PAPPA2: variants seen among roughly 807,000 people sequenced by gnomAD.
PAPPA2 encodes pappalysin 2, also known as pappalysin-2.
In PAPPA2, 86 loss-of-function variants were observed where a neutral mutation model predicts 176.4. That is an observed-to-expected ratio of 0.49 (90% CI 0.41 to 0.58). The LOEUF is 0.58. Ranked by LOEUF, PAPPA2 falls within the 20% of genes least tolerant of loss-of-function variation. The probability of loss-of-function intolerance (pLI) is 0.00; values close to 1 mark genes in which losing one functional copy is unlikely to be tolerated. For missense variants in PAPPA2, 2,073 were observed against 2,256.9 expected, an observed-to-expected ratio of 0.92 and a Z score of 1.65; for synonymous variants, 809 against 852.2, an observed-to-expected ratio of 0.95 and a Z score of 0.88.
chr1:176,672,643 G>A (rs1045467498), intron 4 of PAPPA2, among the ~76,000 whole-genome samples: 8 of 151,886 alleles, frequency 5.3e-5, no homozygotes, highest in Admixed American at 4.6e-4. Flanking sequence ...AATCCACAGA[G>A]TGAATCAGAT....
intron 15 of PAPPA2, among the ~76,000 whole-genome samples, chr1:176,766,662 C>G (rs1020103332): frequency 6.6e-6 from 1 of 152,140 alleles, no homozygotes; most frequent in Non-Finnish European, 1.5e-5. Context: ...GTATTATGAG[C>G]ATGATCATGT....
intron 21 of PAPPA2, among the ~76,000 whole-genome samples, chr1:176,802,309 G>C (rs1225710025): frequency 6.6e-6 from 1 of 152,142 alleles, no homozygotes; most frequent in Non-Finnish European, 1.5e-5. Context: ...AACTGGACAG[G>C]AGAGGAGAAG....
chr1:176,475,342 C>T (rs985312807), intron 1 of PAPPA2, among the ~76,000 whole-genome samples: 2 of 152,144 alleles, frequency 1.3e-5, no homozygotes, highest in African/African-American at 4.8e-5. Flanking sequence ...AAAAGCCTAG[C>T]ATAGGTGAGG....
At chr1:176,716,033 C>T (rs1661352975) in intron 12 of PAPPA2, among the ~76,000 whole-genome samples, 4 of 151,040 alleles carry the variant, frequency 2.6e-5, no homozygotes, top group Admixed American at 6.6e-5. Flanking sequence ...TTGAGGTTAA[C>T]CTTCAAAAAA....
intron 1 of PAPPA2, among the ~76,000 whole-genome samples, chr1:176,544,211 G>T (rs1027706388): frequency 6.6e-6 from 1 of 152,154 alleles, no homozygotes; most frequent in African/African-American, 2.4e-5. Context: ...ACCTCACTCC[G>T]GTTGTTTGCA....
intron 3 of PAPPA2, among the ~76,000 whole-genome samples, chr1:176,642,118 A>T (rs933651592): frequency 6.6e-6 from 1 of 151,842 alleles, no homozygotes; most frequent in Non-Finnish European, 1.5e-5. Flanking sequence ...TGCCCAAGCC[A>T]CCCTTCCTTC....
chr1:176,753,488 G>C (rs114451590), intron 14 of PAPPA2, among the ~76,000 whole-genome samples: 1 of 148,438 alleles, frequency 6.7e-6, no homozygotes, highest in African/African-American at 2.5e-5. Flanking sequence ...TTCTTCCTCT[G>C]CTCAGTCCTA....
intron 1 of PAPPA2, among the ~76,000 whole-genome samples, chr1:176,481,158 A>C (rs113722257): frequency 1.4e-3 from 206 of 152,184 alleles, no homozygotes; most frequent in African/African-American, 4.8e-3. Flanking sequence ...TGGCTCCAAG[A>C]ATATTGATAT....
intron 1 of PAPPA2, among the ~76,000 whole-genome samples, chr1:176,542,521 TA>T (rs1650417999): frequency 6.6e-6 from 1 of 152,184 alleles, no homozygotes; most frequent in African/African-American, 2.4e-5. Context: ...ACACAGGCAA[TA>T]GGGGCAGAGC....
At chr1:176,673,121 A>G (rs1400752992) in intron 4 of PAPPA2, among the ~76,000 whole-genome samples, 2 of 152,134 alleles carry the variant, frequency 1.3e-5, no homozygotes, top group African/African-American at 4.8e-5. Flanking sequence ...CATAGCCTGC[A>G]CTTCATGGCT....
At chr1:176,502,112 A>G (rs1647996836) in intron 1 of PAPPA2, among the ~76,000 whole-genome samples, 1 of 152,218 alleles carries the variant, frequency 6.6e-6, no homozygotes, top group African/African-American at 2.4e-5. Flanking sequence ...CTAAGCAATG[A>G]ACAAATCTTG....
Position 176,793,685 on chromosome 1 carries a change from T to C in PAPPA2, c.5130+16T>C, listed in dbSNP as rs1248047303. The C allele has an allele frequency of 1.9e-6, 3 of 1,558,828 alleles. No homozygotes were observed. Among genetic ancestry groups the C allele is most frequent in the East Asian group, 4.5e-5 (2 of 44,426 alleles). On this transcript the variant is annotated intron_variant, in intron 20 of 22. Coordinates refer to ENST00000367662, the MANE Select transcript of PAPPA2 (RefSeq NM_020318.3). ...CAAAGTCCAGGTGAGGAAAGGGACA[T>C]TGTTATGTGCCAAAGACATGAGTCT...
rs116581877 is a variant in PAPPA2 at position 176,830,899 on chromosome 1, T to C, written c.5203-9274T>C. ...TTCCTGGGCAGCATTTTAAGAAGCA[T>C]TGCTGTGTACTTAGAAGAGGAGGAA... On this transcript the variant is annotated intron_variant, in intron 21 of 22. Coordinates refer to ENST00000367662, the MANE Select transcript of PAPPA2 (RefSeq NM_020318.3). Among the ~76,000 whole-genome samples the C allele has an allele frequency of 6.6e-3, 1,006 of 152,280 alleles. 12 individuals are homozygous for C. The highest frequency in any genetic ancestry group is 0.023 in the African/African-American group (950 of 41,546).
chr1:176,734,619 C>G (rs1208611367), intron 12 of PAPPA2, among the ~76,000 whole-genome samples: 1 of 152,024 alleles, frequency 6.6e-6, no homozygotes, highest in Admixed American at 6.6e-5. Context: ...GCCTTATATC[C>G]CCCCTTCATC....
In PAPPA2 at chr1:176,529,504, A is replaced by G. The variant is rs139604567; in HGVS notation, c.-916-25903A>G. Among the ~76,000 whole-genome samples, 122 of 152,076 alleles carry G rather than the reference A, an allele frequency of 8.0e-4. 1 individual carries two copies. Among genetic ancestry groups the G allele is most frequent in the Admixed American group, 2.2e-3 (33 of 15,280 alleles). ...TTGAAGTACTGGGGATGTCAGTTAC[A>G]TAAGGTTATATGGCATTTTCTTCTA... On this transcript the variant is annotated intron_variant, in intron 1 of 22. Transcript: ENST00000367662.
intron 2 of PAPPA2, among the ~76,000 whole-genome samples, chr1:176,577,075 C>T (rs1211784926): frequency 6.6e-6 from 1 of 152,062 alleles, no homozygotes; most frequent in Non-Finnish European, 1.5e-5. Flanking sequence ...GATTTAGCTC[C>T]CTGCACTTCC....
In PAPPA2 at chr1:176,800,082, C is replaced by T. The variant is rs375000323; in HGVS notation, c.5152C>T (p.Arg1718Cys). The T allele has an allele frequency of 1.9e-5, 30 of 1,613,898 alleles. No homozygotes were observed. Among genetic ancestry groups the T allele is most frequent in the Non-Finnish European group, 2.3e-5 (27 of 1,179,936 alleles). Residue 1718 changes from arginine to cysteine, a missense_variant, in exon 21 of 23, where the codon CGT (arginine) becomes TGT (cysteine). Transcript: ENST00000367662. ...TTAGAGCATTGTGTGCACTGGCCGG[C>T]GTCAATGGCACCCAGACCCCGTCTT... The part of the protein sequence containing the change: ...KVQSIVCTGR[R>C]QWHPDPVLVH...
intron 1 of PAPPA2, among the ~76,000 whole-genome samples, chr1:176,529,735 G>A (rs1447928595): frequency 2.6e-5 from 4 of 151,970 alleles, no homozygotes; most frequent in East Asian, 1.9e-4. Context: ...TTTCAATACC[G>A]TGGAACGTTT....
At chr1:176,837,729 G>C (rs1667329580) in intron 21 of PAPPA2, among the ~76,000 whole-genome samples, 1 of 151,196 alleles carries the variant, frequency 6.6e-6, no homozygotes, top group Non-Finnish European at 1.5e-5. Flanking sequence ...AAAGATGCCT[G>C]TGGGTTAGAG....
Sources: gnomAD v4.1 joint callset for allele counts (sites outside exome capture counted in the v4.1 genomes callset) on GRCh38, gnomAD v4.1.1 for gene constraint, MANE v1.5 for transcripts, NCBI Gene and HGNC (gene_info 2026-07-23, HGNC 2026-07-21) for gene names.